KLF12: variants seen among roughly 807,000 people sequenced by gnomAD.
KLF12 encodes KLF transcription factor 12.
KLF12 carries 9 observed loss-of-function variants against 37.8 expected under a neutral mutation model. The ratio of observed to expected loss-of-function variants is 0.24; its 90% CI spans 0.14 to 0.42. The LOEUF is 0.42. Ranked by LOEUF, KLF12 falls within the 10% of genes least tolerant of loss-of-function variation. The pLI is 1.00. For synonymous variants in KLF12, 208 were observed against 202.1 expected (o/e 1.03, Z -0.25); for missense variants, 411 against 516.0 (o/e 0.80, Z 1.97).
At chr13:73,811,805 T>C (rs1304765740) in intron 5 of KLF12, among the ~76,000 whole-genome samples, 1 of 152,220 alleles carries the variant, frequency 6.6e-6, no homozygotes, top group Non-Finnish European at 1.5e-5. Context: ...TATATGTATA[T>C]TCATATACAA....
At chr13:73,782,738 G>C (rs1881043827) in intron 5 of KLF12, among the ~76,000 whole-genome samples, 1 of 152,190 alleles carries the variant, frequency 6.6e-6, no homozygotes, top group African/African-American at 2.4e-5. Flanking sequence ...AGTGACTTTA[G>C]TTTCTTTTTA....
At chr13:73,957,448 A>G (rs1291798347) in intron 2 of KLF12, among the ~76,000 whole-genome samples, 4 of 152,210 alleles carry the variant, frequency 2.6e-5, no homozygotes, top group Non-Finnish European at 5.9e-5. Context: ...CAACTAAGGA[A>G]ATCTCTCTGG....
the KLF12 span, among the ~76,000 whole-genome samples, chr13:74,182,745 T>C: frequency 1.3e-5 from 2 of 152,222 alleles, no homozygotes; most frequent in African/African-American, 4.8e-5. Flanking sequence ...ACCAGAGCAT[T>C]GCTTCCACAA....
chr13:73,740,888 T>C (rs1877925220), intron 6 of KLF12, among the ~76,000 whole-genome samples: 1 of 152,148 alleles, frequency 6.6e-6, no homozygotes, highest in Non-Finnish European at 1.5e-5. Context: ...CAGTCTGCTC[T>C]GGCAGACAGT....
chr13:73,895,884 G>A (rs575057688), intron 3 of KLF12, among the ~76,000 whole-genome samples: 1 of 150,948 alleles, frequency 6.6e-6, no homozygotes, highest in South Asian at 2.1e-4. Context: ...GCAGTGGAGT[G>A]ATCTGGGCTC....
chr13:73,986,586 A>G (rs1376039767), intron 2 of KLF12, among the ~76,000 whole-genome samples: 1 of 152,200 alleles, frequency 6.6e-6, no homozygotes, highest in Admixed American at 6.5e-5. Flanking sequence ...GTTAGGTTAC[A>G]TGGCAAAGGG....
chr13:73,986,060 A>G (rs1271024739), intron 2 of KLF12, among the ~76,000 whole-genome samples: 1 of 152,212 alleles, frequency 6.6e-6, no homozygotes, highest in Non-Finnish European at 1.5e-5. Context: ...GCTTTTAACG[A>G]GATAACCAAA....
chr13:74,215,725 A>G, the KLF12 span, among the ~76,000 whole-genome samples: 1 of 152,300 alleles, frequency 6.6e-6, no homozygotes, highest in East Asian at 1.9e-4. Flanking sequence ...TCCAGAAAAC[A>G]AACAAAAGTA....
rs1019436349 is a variant in KLF12 at position 73,937,922 on chromosome 13, G to A, written c.123+6059C>T. ...TTTCTTTCCGCTTAAAAAAAAAAATGGTCTTCTCACATTAGCCATAACACA... is the reference window on the plus strand; with the variant it reads ...TTTCTTTCCGCTTAAAAAAAAAAATAGTCTTCTCACATTAGCCATAACACA... On this transcript the variant is annotated intron_variant, in intron 3 of 7. Coordinates refer to ENST00000377669, the MANE Select transcript of KLF12 (RefSeq NM_007249.5). 2.0e-5 allele frequency among the ~76,000 whole-genome samples: 3 copies of A among 151,844 alleles called. No individual in the cohort carries two copies. The South Asian group carries it at 6.2e-4, about 32-fold the overall frequency.
At chr13:73,711,326 C>T (rs1021600224) in intron 7 of KLF12, among the ~76,000 whole-genome samples, 5 of 152,310 alleles carry the variant, frequency 3.3e-5, no homozygotes, top group African/African-American at 9.6e-5. Context: ...AGATGATATA[C>T]CCTCCTATTG....
At chr13:74,112,188 ATG>A (rs571992392) in intron 1 of KLF12, among the ~76,000 whole-genome samples, 200 of 134,630 alleles carry the variant, frequency 1.5e-3, no homozygotes, top group African/African-American at 4.7e-3. Flanking sequence ...ATAAACGTTT[ATG>A]TGTGTGTGTG....
the KLF12 span, among the ~76,000 whole-genome samples, chr13:74,184,272 A>G: frequency 2.6e-5 from 4 of 152,222 alleles, no homozygotes; most frequent in East Asian, 1.9e-4. Context: ...CTGCCAAAAC[A>G]CTAATAAATA....
intron 1 of KLF12, among the ~76,000 whole-genome samples, chr13:74,021,275 C>T (rs1892834545): frequency 6.6e-6 from 1 of 152,090 alleles, no homozygotes; most frequent in South Asian, 2.1e-4. Flanking sequence ...AATAGCATTA[C>T]TCCCACTTTT....
intron 1 of KLF12, among the ~76,000 whole-genome samples, chr13:74,021,633 CTGTG>C (rs1438769976): frequency 6.6e-6 from 1 of 152,094 alleles, no homozygotes. Context: ...CCATCATAGT[CTGTG>C]TATTTACATC....
chr13:73,773,781 T>A (rs74756161), intron 5 of KLF12, among the ~76,000 whole-genome samples: 2,598 of 152,242 alleles, frequency 0.017, 78 homozygotes, highest in African/African-American at 0.06. Flanking sequence ...TCTCCAAGCT[T>A]CATGATGCTA....
intron 2 of KLF12, among the ~76,000 whole-genome samples, chr13:73,979,637 T>C (rs1688994251): frequency 6.6e-6 from 1 of 152,054 alleles, no homozygotes; most frequent in South Asian, 2.1e-4. Context: ...AAAAATAATG[T>C]AAAAGCAATC....
intron 3 of KLF12, among the ~76,000 whole-genome samples, chr13:73,925,254 C>T (rs1889319865): frequency 6.6e-6 from 1 of 152,144 alleles, no homozygotes; most frequent in Admixed American, 6.5e-5. Context: ...GGAGTCAATG[C>T]CTGGCTTCAA....
chr13:73,827,099 T>C (rs1234032500), intron 4 of KLF12, among the ~76,000 whole-genome samples: 1 of 152,238 alleles, frequency 6.6e-6, no homozygotes, highest in Admixed American at 6.5e-5. Context: ...GATATTTCTA[T>C]TTGATTTTTT....
chr13:73,836,835 CT>C (rs1884460026), intron 4 of KLF12, among the ~76,000 whole-genome samples: 3 of 152,092 alleles, frequency 2.0e-5, no homozygotes, highest in Admixed American at 1.3e-4. Context: ...CATTAGAATA[CT>C]TTACCAGTAA....
Sources: allele counts gnomAD v4.1 joint callset (sites outside exome capture counted in the v4.1 genomes callset), GRCh38; gene constraint gnomAD v4.1.1; transcripts MANE v1.5; gene names NCBI Gene and HGNC (gene_info 2026-07-23, HGNC 2026-07-21).